The following USP13 variants were observed in gnomAD, a reference collection of about 807,000 sequenced individuals.
USP13 encodes ubiquitin specific peptidase 13, also known as ubiquitin carboxyl-terminal hydrolase 13.
USP13 carries 68 observed loss-of-function variants against 107.8 expected under a neutral mutation model. The observed-to-expected ratio is 0.63, with a 90% CI of 0.52 to 0.77. The LOEUF is 0.77. Ranked by LOEUF, USP13 falls within the 30% of genes least tolerant of loss-of-function variation. USP13 has a pLI of 0.00. For synonymous variants in USP13, 377 were observed against 389.5 expected, an observed-to-expected ratio of 0.97 and a Z score of 0.38; for missense variants, 945 against 1,093.3, an observed-to-expected ratio of 0.86 and a Z score of 1.91.
intron 11 of USP13, among the ~76,000 whole-genome samples, chr3:179,741,271 A>G (rs1458880639): frequency 6.6e-6 from 1 of 152,056 alleles, no homozygotes; most frequent in Non-Finnish European, 1.5e-5. Context: ...GCTGGAGTGC[A>G]GTGGCACGAT....
At chr3:179,726,585 T>C (rs1004826648) in intron 8 of USP13, among the ~76,000 whole-genome samples, 6 of 152,054 alleles carry the variant, frequency 3.9e-5, no homozygotes, top group Non-Finnish European at 5.9e-5. Context: ...CCAGGGGCAG[T>C]GGATGGGCAG....
intron 19 of USP13, among the ~76,000 whole-genome samples, chr3:179,772,147 G>A (rs1715360295): frequency 6.6e-6 from 1 of 152,214 alleles, no homozygotes; most frequent in Non-Finnish European, 1.5e-5. Context: ...GAATGGAGAC[G>A]AGAGTCTATT....
At chr3:179,762,619 A>G (rs748940808) in intron 17 of USP13, among the ~76,000 whole-genome samples, 21 of 152,144 alleles carry the variant, frequency 1.4e-4, no homozygotes, top group African/African-American at 2.4e-5. Context: ...AGTCTATTTT[A>G]TGGGTATACT....
intron 19 of USP13, among the ~76,000 whole-genome samples, chr3:179,775,500 G>A (rs1479842803): frequency 1.3e-5 from 2 of 152,284 alleles, no homozygotes; most frequent in African/African-American, 4.8e-5. Flanking sequence ...CTGCCCGCCA[G>A]TTCCGCGCCA....
In USP13 at chr3:179,653,564, G is replaced by A; in HGVS notation, c.168+171G>A. The A allele has an allele frequency of 3.2e-6, 3 of 938,548 alleles. No homozygotes were observed. The highest frequency in any genetic ancestry group is 1.8e-5 in the South Asian group (1 of 55,962). The allele number at this position is 938,548 out of a possible 1,614,324, so 58.1% of individuals were successfully genotyped here. On this transcript the variant is annotated intron_variant, in intron 1 of 20. Transcript: ENST00000263966. This position sits in a 1 kb window ranked among gnomAD's most constrained non-coding sequence, Gnocchi z 4.0. ...ACTTAGTGAGCGCCCCAGGGCTGCT[G>A]CAGCCGAGGACTGGCTCGTGCTGGT...
intron 1 of USP13, among the ~76,000 whole-genome samples, chr3:179,677,959 A>G (rs1213757344): frequency 1.3e-5 from 2 of 152,194 alleles, no homozygotes; most frequent in African/African-American, 4.8e-5. Context: ...GTATTGCCAT[A>G]TAGCACAGAA....
At chr3:179,666,432 T>G (rs1216219903) in intron 1 of USP13, among the ~76,000 whole-genome samples, 1 of 152,218 alleles carries the variant, frequency 6.6e-6, no homozygotes, top group Non-Finnish European at 1.5e-5. Flanking sequence ...CCAGTTTCAT[T>G]GCTGGACAAA....
At chr3:179,688,148 TCC>T (rs1711953190) in intron 2 of USP13, among the ~76,000 whole-genome samples, 2 of 148,328 alleles carry the variant, frequency 1.3e-5, no homozygotes, top group Admixed American at 6.7e-5. Flanking sequence ...CATCCATCCA[TCC>T]GTATATCCAT....
intron 1 of USP13, among the ~76,000 whole-genome samples, chr3:179,660,918 T>G (rs1046706299): frequency 1.3e-5 from 2 of 152,238 alleles, no homozygotes; most frequent in African/African-American, 4.8e-5. Flanking sequence ...TCTCAAGCTT[T>G]TTGACCTCTT....
At chr3:179,677,689 C>T (rs945384805) in intron 1 of USP13, among the ~76,000 whole-genome samples, 2 of 152,226 alleles carry the variant, frequency 1.3e-5, no homozygotes, top group Admixed American at 1.3e-4. Context: ...AAACTATAGA[C>T]TCTTGGATAT....
chr3:179,703,533 C>A (rs183777757), intron 4 of USP13, among the ~76,000 whole-genome samples: 22 of 152,282 alleles, frequency 1.4e-4, no homozygotes, highest in Non-Finnish European at 2.6e-4. Context: ...CCAATGCCTT[C>A]ATTTTTGACA....
At chr3:179,765,963 A>C in intron 19 of USP13, 115 bp downstream of exon 19, 1 of 1,087,676 alleles carries the variant, frequency 9.2e-7, no homozygotes, top group Admixed American at 3.1e-5. Context: ...GTTAGCACAG[A>C]TCCCATCTTC....
intron 10 of USP13, among the ~76,000 whole-genome samples, chr3:179,735,258 T>C (rs1308119733): frequency 1.4e-4 from 22 of 152,222 alleles, no homozygotes; most frequent in Admixed American, 1.4e-3. Flanking sequence ...GTTGGGTCTC[T>C]GCCTCTCATC....
chr3:179,763,071 A>C (rs1715059109), intron 17 of USP13, among the ~76,000 whole-genome samples: 4 of 152,162 alleles, frequency 2.6e-5, no homozygotes. Context: ...TTTCTAATGA[A>C]GTTATCCTTT....
chr3:179,757,082 T>C lies in USP13; in HGVS notation c.1948+4T>C. On this transcript the variant is annotated splice_donor_region_variant and intron_variant, in intron 16 of 20. Transcript: ENST00000263966. ...CTGATGAACCAATTGATAGACCGTATGTATCTTTAAAAATGTTTCTCAATG... is the reference window on the plus strand; with the variant it reads ...CTGATGAACCAATTGATAGACCGTACGTATCTTTAAAAATGTTTCTCAATG... 3 of 1,613,844 alleles carry C rather than the reference T, an allele frequency of 1.9e-6. No homozygotes were observed. Among genetic ancestry groups the C allele is most frequent in the Middle Eastern group, 1.7e-4 (1 of 6,058 alleles).
At chr3:179,776,293 G>A (rs1022937095) in intron 19 of USP13, among the ~76,000 whole-genome samples, 1 of 152,120 alleles carries the variant, frequency 6.6e-6, no homozygotes, top group African/African-American at 2.4e-5. Context: ...TTGTGGGCCA[G>A]ATTTGGCTAA....
In USP13 at chr3:179,653,392, C is replaced by T; in HGVS notation, c.167C>T (p.Pro56Leu). ...GAGTGCGCCTTCTCCTACGACTCTC[C>T]CGTAAGTGAGGCGCCTCGGGGGAGG... ...KNECAFSYDSPNSEGGLYVCM... is the reference protein window; with the variant it reads ...KNECAFSYDSLNSEGGLYVCM... The change falls in exon 1 of 21, where the codon CCC (proline) becomes CTC (leucine). Residue 56 changes from proline (P) to leucine (L), a missense_variant and splice_region_variant. Physicochemically the swap from Pro to Leu is moderately conservative, Grantham distance 98 (BLOSUM62 -3). Coordinates refer to ENST00000263966, the MANE Select transcript of USP13 (RefSeq NM_003940.3). The surrounding 1 kb of genome is among the most constrained non-coding windows in gnomAD (Gnocchi z 4.0). 6.4e-7 allele frequency: 1 copy of T among 1,557,258 alleles called. No individual in the cohort carries two copies.
intron 19 of USP13, among the ~76,000 whole-genome samples, chr3:179,769,033 ATGTTT>A (rs1244366948): frequency 1.6e-4 from 24 of 152,234 alleles, no homozygotes; most frequent in African/African-American, 5.8e-4. Flanking sequence ...TGACAAAATA[ATGTTT>A]TGTTTATATT....
chr3:179,686,992 C>G (rs1711895184), intron 2 of USP13, among the ~76,000 whole-genome samples: 3 of 152,228 alleles, frequency 2.0e-5, no homozygotes, highest in Non-Finnish European at 4.4e-5. Flanking sequence ...TTTGGCCATC[C>G]TGTCTTCTTC....
Sources: gnomAD v4.1 joint callset for allele counts (sites outside exome capture counted in the v4.1 genomes callset) on GRCh38, gnomAD v4.1.1 for gene constraint, Gnocchi (gnomAD v3.1) non-coding constraint, MANE v1.5 for transcripts, NCBI Gene and HGNC (gene_info 2026-07-23, HGNC 2026-07-21) for gene names.